Variants in IGSF1 observed in about 807,000 individuals in gnomAD.
The protein encoded by IGSF1 is immunoglobulin-like domain-containing protein 1.
In IGSF1, 40 loss-of-function variants were observed where a neutral mutation model predicts 95.3. The ratio of observed to expected loss-of-function variants is 0.42; its 90% CI spans 0.33 to 0.55. IGSF1 has a LOEUF of 0.55. Ranked by LOEUF, IGSF1 falls within the 20% of genes least tolerant of loss-of-function variation. IGSF1 has a pLI of 0.10. For synonymous variants in IGSF1, 372 were observed against 382.9 expected (o/e 0.97, Z 0.33); for missense variants, 906 against 1,025.4 (o/e 0.88, Z 1.59).
chrX:131,276,742 C>G (rs2080479642), intron 14 of IGSF1, among the ~76,000 whole-genome samples, 197 bp downstream of exon 14: 1 of 111,972 alleles, frequency 8.9e-6, no homozygotes, highest in African/African-American at 3.2e-5. Flanking sequence ...GCTTGCCTCC[C>G]CACTGCCTTT....
chrX:131,288,315 G>A (rs753489630), intron 1 of IGSF1, among the ~76,000 whole-genome samples: 34 of 111,925 alleles, frequency 3.0e-4, no homozygotes, highest in Non-Finnish European at 6.2e-4. Context: ...TTCAAAGGGG[G>A]CATCCAACTG....
At chrX:131,285,683 C>T in intron 4 of IGSF1, 84 bp downstream of exon 4, 1 of 992,340 alleles carries the variant, frequency 1.0e-6, no homozygotes, top group South Asian at 2.2e-5. Context: ...TGCTTGCATG[C>T]ATTTGTGAAA....
At chrX:131,284,312 A>C in intron 5 of IGSF1, 1 of 162,335 alleles carries the variant, frequency 6.2e-6, no homozygotes, top group South Asian at 2.7e-4. Flanking sequence ...GAAGCATTAC[A>C]CAGTAGATCA....
chrX:131,277,865 C>T lies in IGSF1; in HGVS notation c.2311G>A (p.Val771Ile). The T allele has an allele frequency of 8.3e-7, 1 of 1,207,915 alleles. No individual in the cohort carries two copies. ...CCCTTTTCAGCTCTACCTTTTATGA[C>T]AAGCTCCAGCGGCTCACTGGGCTCA... Reference protein sequence around the residue: ...WSEPSEPLELVIKEMYPKPFF... With the variant: ...WSEPSEPLELIIKEMYPKPFF... Residue 771 changes from valine to isoleucine, a missense_variant, in exon 13 of 20, where the codon GTC (valine) becomes ATC (isoleucine). Around this residue, in one of 5 missense-constraint regions of IGSF1, gnomAD observed 411 missense variants for 494.9 expected, o/e 0.83. Coordinates refer to ENST00000361420, the MANE Select transcript of IGSF1 (RefSeq NM_001555.5).
rs2080687403 is a variant in IGSF1, at chrX:131,289,281, C to T, written c.-135G>A. ...GCTCCTCCAGATGCAGCAAACTGCCCGGCATGAGAAGAGCTGTCTAAGGAC... is the reference window on the plus strand; with the variant it reads ...GCTCCTCCAGATGCAGCAAACTGCCTGGCATGAGAAGAGCTGTCTAAGGAC... On this transcript the variant is annotated 5_prime_UTR_variant, in exon 1 of 20. Coordinates refer to ENST00000361420, the MANE Select transcript of IGSF1 (RefSeq NM_001555.5). 2 of 375,268 alleles carry T rather than the reference C, an allele frequency of 5.3e-6. No homozygotes were observed. 30.9% of individuals were successfully genotyped at this position (375,268 alleles called of 1,213,427 possible).
chrX:131,279,241 C>A (rs2080520793), intron 10 of IGSF1, 30 bp downstream of exon 10: 1 of 1,206,038 alleles, frequency 8.3e-7, no homozygotes, highest in Non-Finnish European at 1.1e-6. Context: ...CGGCCTTCTG[C>A]CCGGGGCCCC....
chrX:131,274,049 C>T (rs1325105859), intron 19 of IGSF1, 34 bp downstream of exon 19: 13 of 1,208,759 alleles, frequency 1.1e-5, no homozygotes, highest in Non-Finnish European at 1.5e-5. Context: ...CCACCTGGTT[C>T]ACAGAAGGGG....
rs2080508332 is a variant in IGSF1 at position 131,278,450 on chromosome X, C to G, written c.2041+11G>C. On this transcript the variant is annotated intron_variant, in intron 12 of 19. Transcript: ENST00000361420. ...GGGGATAACTCCCGGAGACCCTCTA[C>G]ATTTTCTTACCTGTCCCCACCAGCT... 1 of 1,176,347 alleles carries G rather than the reference C, an allele frequency of 8.5e-7. No homozygotes were observed. The highest frequency in any genetic ancestry group is 1.1e-6 in the Non-Finnish European group (1 of 874,856).
At chrX:131,285,549 T>C in intron 4 of IGSF1, 83 bp from the exon 5 acceptor site, 1 of 1,014,323 alleles carries the variant, frequency 9.9e-7, no homozygotes. Context: ...CTACTTTAAT[T>C]GAGGTTTCCC....
At position 131,289,201 on chromosome X, in the gene IGSF1, T is replaced by C. The variant is rs776140001; in HGVS notation, c.-68+13A>G. 8.0e-6 allele frequency: 3 copies of C among 375,438 alleles called. No homozygotes were observed. The highest frequency in any genetic ancestry group is 7.0e-5 in the South Asian group (3 of 42,823). The allele number at this position is 375,438 out of a possible 1,213,427, so 30.9% of individuals were successfully genotyped here. A position where few individuals can be genotyped will look rare whatever the true frequency, so the allele number is the denominator to read the frequency against. On this transcript the variant is annotated intron_variant, in intron 1 of 19. Coordinates refer to ENST00000361420, the MANE Select transcript of IGSF1 (RefSeq NM_001555.5). ...TCAGCCACTGAACTATGCGCTCATT[T>C]GTAGGTACTTACGGTAGTTGAAGGC...
chrX:131,280,969 G>C (rs942992783), intron 9 of IGSF1: 1 of 307,730 alleles, frequency 3.2e-6, no homozygotes. Context: ...CCTCCGGGGG[G>C]GATGTCAGTG....
At chrX:131,275,931 A>C (rs2124084867) in intron 15 of IGSF1, 30 bp downstream of exon 15, 1 of 1,197,872 alleles carries the variant, frequency 8.3e-7, no homozygotes, top group East Asian at 3.0e-5. Flanking sequence ...AATGATCTCC[A>C]TCCCAGTCCC....
Position 131,275,255 on chromosome X carries a change from C to G in IGSF1, c.3216G>C (p.Gln1072His), listed in dbSNP as rs2080460224. 1 of 1,209,764 alleles carries G rather than the reference C, an allele frequency of 8.3e-7. No homozygotes were observed. The highest frequency in any genetic ancestry group is 1.1e-6 in the Non-Finnish European group (1 of 895,017). Residue 1072 changes from glutamine to histidine, a missense_variant, in exon 17 of 20, where the codon CAG becomes CAC. By Grantham distance (24) the Gln-to-His change is conservative. Around this residue, in one of 5 missense-constraint regions of IGSF1, gnomAD observed 411 missense variants for 494.9 expected, o/e 0.83. Coordinates refer to ENST00000361420, the MANE Select transcript of IGSF1 (RefSeq NM_001555.5). ...CGCCAGGGGCCACCATGGGACCAGG[C>G]TGGGCTAATAGGCTGGGTTTGGGGA... is the stretch of plus-strand genomic sequence containing the variant. The part of the protein sequence containing the change: ...GLLPKPSLLA[Q>H]PGPMVAPGEN...
chrX:131,276,906 G>A, intron 14 of IGSF1, 33 bp downstream of exon 14: 1 of 1,186,589 alleles, frequency 8.4e-7, no homozygotes, highest in Non-Finnish European at 1.1e-6. Flanking sequence ...CCCAGGGTTG[G>A]CACCACCTCT....
chrX:131,286,015 G>T lies in IGSF1; in HGVS notation c.131C>A (p.Ser44Tyr). ...MDPQPELWIE[S>Y]NYPQAPWENI... ...CTCCCAAGGGGCCTGGGGGTAGTTG[G>T]ACTCTATCCACAACTCTGGTTGAGG... The change falls in exon 4 of 20, where the codon TCC (serine) becomes TAC (tyrosine). Residue 44 changes from serine (S) to tyrosine (Y), a missense_variant. Coordinates refer to ENST00000361420, the MANE Select transcript of IGSF1 (RefSeq NM_001555.5). The T allele has an allele frequency of 1.7e-6, 2 of 1,208,209 alleles. No homozygotes were observed. The highest frequency in any genetic ancestry group is 2.3e-4 in the Middle Eastern group (1 of 4,323).
intron 12 of IGSF1, 84 bp downstream of exon 12, chrX:131,278,377 A>G: frequency 1.1e-6 from 1 of 930,297 alleles, no homozygotes; most frequent in Non-Finnish European, 1.5e-6. Context: ...GGTCCCTGTG[A>G]GTTCATTCCC....
chrX:131,277,944 G>A lies in IGSF1; in HGVS notation c.2232C>T (p.Asp744=), dbSNP rs1210292526. 3.3e-6 allele frequency: 4 copies of A among 1,208,591 alleles called. No individual in the cohort carries two copies. The African/African-American group carries it at 5.3e-5, about 16-fold the overall frequency. Residue 744 remains aspartate (D), a synonymous_variant, in exon 13 of 20, where the codon GAC becomes GAT. Transcript: ENST00000361420. Reference sequence around the variant, plus strand: ...GAGTGCGGCAGCTGTAATTGCCTTCGTCTTTATCCTCCATTCTCTGGATTG... The same window carrying A: ...GAGTGCGGCAGCTGTAATTGCCTTCATCTTTATCCTCCATTCTCTGGATTG... ...FFTIQRMEDK[D]EGNYSCRTHT...
chrX:131,279,017 G>C, intron 11 of IGSF1, 126 bp downstream of exon 11: 5 of 778,701 alleles, frequency 6.4e-6, no homozygotes, highest in Non-Finnish European at 3.9e-6. Flanking sequence ...AGCAGCTTTA[G>C]CAAGTGCCCC....
chrX:131,284,391 A>G, intron 5 of IGSF1: 1 of 379,735 alleles, frequency 2.6e-6, no homozygotes, highest in Non-Finnish European at 3.4e-6. Flanking sequence ...TGACTTGCTC[A>G]AGACCACACA....
Sources: allele counts gnomAD v4.1 joint callset (sites outside exome capture counted in the v4.1 genomes callset), GRCh38; gene constraint gnomAD v4.1.1; regional missense constraint gnomAD v4.1.1; transcripts MANE v1.5; gene names NCBI Gene and HGNC (gene_info 2026-07-23, HGNC 2026-07-21).